KLF15: variants seen among roughly 807,000 people sequenced by gnomAD.
KLF15 encodes the protein Krueppel-like factor 15.
In KLF15, 4 loss-of-function variants were observed where a neutral mutation model predicts 24.6. That is an observed-to-expected ratio of 0.16 (90% CI 0.08 to 0.37). The LOEUF (loss-of-function observed/expected upper bound fraction) is 0.37. KLF15 is among the 10% of genes least tolerant of loss of function. The pLI, the probability that KLF15 is intolerant of heterozygous loss-of-function variation, is 1.00. For synonymous variants in KLF15, 246 were observed against 236.3 expected, an observed-to-expected ratio of 1.04 and a Z score of -0.37; for missense variants, 496 against 560.6, an observed-to-expected ratio of 0.88 and a Z score of 1.16.
chr3:126,355,243 C>G (rs1266920182), intron 1 of KLF15, among the ~76,000 whole-genome samples: 1 of 152,244 alleles, frequency 6.6e-6, no homozygotes, highest in African/African-American at 2.4e-5. Context: ...AACATATAAA[C>G]AGATATTGAC....
At chr3:126,331,892 A>G in the KLF15 span, among the ~76,000 whole-genome samples, 1 of 152,222 alleles carries the variant, frequency 6.6e-6, no homozygotes, top group African/African-American at 2.4e-5. Context: ...CCATGAGATT[A>G]TATCCCACAC....
rs2082629557 is a variant in KLF15 at position 126,356,050 on chromosome 3, C to A, written c.-26+1187G>T. Among the ~76,000 whole-genome samples, 2 of 152,218 alleles carry A rather than the reference C, an allele frequency of 1.3e-5. No homozygotes were observed. The highest frequency in any genetic ancestry group is 6.5e-5 in the Admixed American group (1 of 15,292). ...CGCCCCCTCCCCTGGCCCGGCCAGG[C>A]CTGCTGTTTATCCTCCCGGGGACAC... On this transcript the variant is annotated intron_variant, in intron 1 of 2. Transcript: ENST00000296233. This position sits in a 1 kb window ranked among gnomAD's most constrained non-coding sequence, Gnocchi z 4.4.
the KLF15 span, chr3:126,290,946 G>T: frequency 2.0e-5 from 3 of 152,104 alleles, no homozygotes; most frequent in African/African-American, 7.2e-5. Context: ...CTTTCATCTT[G>T]TTACAGGCCA....
At chr3:126,305,913 T>G in the KLF15 span, among the ~76,000 whole-genome samples, 3 of 152,194 alleles carry the variant, frequency 2.0e-5, no homozygotes, top group Non-Finnish European at 4.4e-5. Flanking sequence ...TGCAGGAGAT[T>G]TACTGAATGG....
In KLF15 at chr3:126,356,348, C is replaced by T. The variant is rs1402904947; in HGVS notation, c.-26+889G>A. Among the ~76,000 whole-genome samples, 5 of 152,122 alleles carry T rather than the reference C, an allele frequency of 3.3e-5. No individual in the cohort carries two copies. Among genetic ancestry groups the T allele is most frequent in the African/African-American group, 4.8e-5 (2 of 41,436 alleles). On this transcript the variant is annotated intron_variant, in intron 1 of 2. Coordinates refer to ENST00000296233, the MANE Select transcript of KLF15 (RefSeq NM_014079.4). The surrounding 1 kb of genome is among the most constrained non-coding windows in gnomAD (Gnocchi z 4.4). The stretch of plus-strand genomic sequence containing the variant: ...CAAACAATTGTTGATTTTGTCACCT[C>T]CGAGGGCCGTGGGAGAAAACAGCCC...
chr3:126,292,226 C>T, the KLF15 span, among the ~76,000 whole-genome samples: 1 of 152,250 alleles, frequency 6.6e-6, no homozygotes, highest in East Asian at 1.9e-4. Context: ...GTTCCCACAC[C>T]GGGCCATTCA....
In KLF15 at chr3:126,352,270, G is replaced by C. The variant is rs2082589854; in HGVS notation, c.653C>G (p.Pro218Arg). 1 of 1,540,398 alleles carries C rather than the reference G, an allele frequency of 6.5e-7. No individual in the cohort carries two copies. The highest frequency in any genetic ancestry group is 1.4e-5 in the African/African-American group (1 of 72,614). Reference sequence around the variant, plus strand: ...CACGGGCTGGATCTGCAGCAACACTGGGATGGGGCCATCAGGCGTGGGGCC... The same window carrying C: ...CACGGGCTGGATCTGCAGCAACACTCGGATGGGGCCATCAGGCGTGGGGCC... ...GGGPTPDGPI[P>R]VLLQIQPVPV... Residue 218 changes from proline to arginine, a missense_variant, in exon 2 of 3, where the codon CCA becomes CGA. Around this residue, in one of 3 missense-constraint regions of KLF15, gnomAD observed 399 missense variants for 423.1 expected, o/e 0.94. Coordinates refer to ENST00000296233, the MANE Select transcript of KLF15 (RefSeq NM_014079.4).
downstream of KLF15, among the ~76,000 whole-genome samples, chr3:126,338,308 G>A (rs554767040): frequency 2.1e-4 from 32 of 152,302 alleles, no homozygotes; most frequent in African/African-American, 5.8e-4. Flanking sequence ...GCAGTGCCAC[G>A]TCAGCATGAC....
the KLF15 span, among the ~76,000 whole-genome samples, chr3:126,296,955 T>A: frequency 1.1e-4 from 17 of 152,332 alleles, no homozygotes; most frequent in East Asian, 1.7e-3. Flanking sequence ...TGTTTTGTTT[T>A]TTAGATGCAG....
intron 1 of KLF15, among the ~76,000 whole-genome samples, chr3:126,354,522 C>G (rs971368333): frequency 2.6e-5 from 4 of 152,184 alleles, no homozygotes; most frequent in Non-Finnish European, 4.4e-5. Flanking sequence ...TCAGGGACCC[C>G]AGGACCTTTA....
the KLF15 span, among the ~76,000 whole-genome samples, chr3:126,294,872 C>T: frequency 1.5e-3 from 150 of 99,564 alleles, 1 homozygote; most frequent in South Asian, 0.042. Flanking sequence ...CATACACACA[C>T]ACACACACAC....
chr3:126,304,287 A>G, the KLF15 span, among the ~76,000 whole-genome samples: 24 of 152,198 alleles, frequency 1.6e-4, no homozygotes, highest in African/African-American at 5.5e-4. Flanking sequence ...CCATTGGTAG[A>G]TAAATGCTGC....
chr3:126,305,744 C>G, the KLF15 span, among the ~76,000 whole-genome samples: 1 of 152,190 alleles, frequency 6.6e-6, no homozygotes, highest in Non-Finnish European at 1.5e-5. Flanking sequence ...ACATCTGCCC[C>G]ACACAGTAGG....
chr3:126,301,415 C>T, the KLF15 span, among the ~76,000 whole-genome samples: 1 of 152,080 alleles, frequency 6.6e-6, no homozygotes, highest in Non-Finnish European at 1.5e-5. Context: ...TAGGAGAGAG[C>T]AGAGAGGCAG....
the KLF15 span, among the ~76,000 whole-genome samples, chr3:126,324,788 A>AT: frequency 0.12 from 9,164 of 74,616 alleles, 1,040 homozygotes; most frequent in African/African-American, 0.3. Context: ...TTTGCTTTTA[A>AT]TTTTTTTTTT....
At chr3:126,324,803 G>GGT in the KLF15 span, among the ~76,000 whole-genome samples, 2 of 26,076 alleles carry the variant, frequency 7.7e-5, no homozygotes, top group Admixed American at 4.0e-4. Flanking sequence ...TTTTTTTTTC[G>GGT]CTCTTTTTTT....
intron 2 of KLF15, among the ~76,000 whole-genome samples, chr3:126,344,252 G>T (rs1332618470): frequency 6.6e-6 from 1 of 151,928 alleles, no homozygotes; most frequent in Non-Finnish European, 1.5e-5. Context: ...TAGAGACCAG[G>T]CCTCCCTATG....
At chr3:126,316,563 G>C in the KLF15 span, among the ~76,000 whole-genome samples, 1 of 146,046 alleles carries the variant, frequency 6.8e-6, no homozygotes, top group Non-Finnish European at 1.5e-5. Context: ...GAGGGTACAC[G>C]GGCTGGAGTA....
the KLF15 span, among the ~76,000 whole-genome samples, chr3:126,298,967 A>G: frequency 6.6e-6 from 1 of 152,144 alleles, no homozygotes; most frequent in South Asian, 2.1e-4. Context: ...TTGGTTCTAT[A>G]TAAATTTTAG....
Sources: gnomAD v4.1 joint callset for allele counts (sites outside exome capture counted in the v4.1 genomes callset) on GRCh38, gnomAD v4.1.1 for gene constraint, gnomAD v4.1.1 regional missense constraint, Gnocchi (gnomAD v3.1) non-coding constraint, MANE v1.5 for transcripts, NCBI Gene and HGNC (gene_info 2026-07-23, HGNC 2026-07-21) for gene names.